PELI1: variants seen among roughly 807,000 people sequenced by gnomAD.
PELI1 encodes the protein E3 ubiquitin-protein ligase pellino homolog 1.
A neutral mutation model predicts 41.3 loss-of-function variants in PELI1; 15 were observed. That is an observed-to-expected ratio of 0.36 (90% CI 0.24 to 0.56). The LOEUF is 0.56. Among genes scored for constraint, PELI1 ranks in the 20% least tolerant of loss-of-function variants. The probability of loss-of-function intolerance (pLI) is 0.82; values close to 1 mark genes in which losing one functional copy is unlikely to be tolerated. For synonymous variants in PELI1, 178 were observed against 180.1 expected (o/e 0.99, Z 0.09); for missense variants, 403 against 525.5 (o/e 0.77, Z 2.28).
At chr2:64,117,720 C>T (rs1422808705) in intron 1 of PELI1, among the ~76,000 whole-genome samples, 1 of 152,120 alleles carries the variant, frequency 6.6e-6, no homozygotes, top group Non-Finnish European at 1.5e-5. Flanking sequence ...AAGGTTTCAT[C>T]TTATGAGAGT....
intron 1 of PELI1, among the ~76,000 whole-genome samples, chr2:64,109,540 C>T (rs981167307): frequency 2.6e-5 from 4 of 151,962 alleles, no homozygotes; most frequent in African/African-American, 9.7e-5. Flanking sequence ...ATTAGCCGGG[C>T]GTGGTGGCAC....
Position 64,126,553 on chromosome 2 carries a change from G to T in PELI1, c.-70+17528C>A, listed in dbSNP as rs190753151. The stretch of plus-strand genomic sequence containing the variant: ...TTACTGAGCATTCACTATAAGGTCA[G>T]AAGTTATGGGAGTATTCAAACTAAT... On this transcript the variant is annotated intron_variant, in intron 1 of 6. Transcript: ENST00000358912. Among the ~76,000 whole-genome samples the T allele has an allele frequency of 5.9e-5, 9 of 152,290 alleles. No individual in the cohort carries two copies. The East Asian group carries it at 1.7e-3, about 29-fold the overall frequency.
intron 1 of PELI1, among the ~76,000 whole-genome samples, chr2:64,112,841 T>A (rs751393580): frequency 6.6e-6 from 1 of 152,200 alleles, no homozygotes; most frequent in East Asian, 1.9e-4. Context: ...CTTTTTTTTT[T>A]ATGTGTTCTC....
At chr2:64,108,149 T>A (rs959803714) in intron 2 of PELI1, 91 bp downstream of exon 2, 11 of 708,542 alleles carry the variant, frequency 1.6e-5, no homozygotes, top group African/African-American at 1.4e-4. Flanking sequence ...AGGTAAGATA[T>A]AAATTCCAAA....
intron 1 of PELI1, among the ~76,000 whole-genome samples, chr2:64,137,121 T>G (rs1193329950): frequency 2.0e-5 from 3 of 152,170 alleles, no homozygotes; most frequent in Non-Finnish European, 2.9e-5. Context: ...GAGAGTAGAT[T>G]TTTACAATCC....
chr2:64,141,944 A>G (rs1293035851), intron 1 of PELI1, among the ~76,000 whole-genome samples: 2 of 152,210 alleles, frequency 1.3e-5, no homozygotes, highest in African/African-American at 2.4e-5. Flanking sequence ...CTGGCTTGAA[A>G]ATACCACAGA....
At chr2:64,098,431 T>C (rs1302988867) in intron 4 of PELI1, among the ~76,000 whole-genome samples, 1 of 152,214 alleles carries the variant, frequency 6.6e-6, no homozygotes, top group African/African-American at 2.4e-5. Context: ...AGCTTATTCG[T>C]CAATCTTTCA....
rs151046909 is a variant in PELI1, at chr2:64,094,895, A to G, written c.1064T>C (p.Val355Ala). 3 of 1,614,128 alleles carry G rather than the reference A, an allele frequency of 1.9e-6. No homozygotes were observed. Among genetic ancestry groups the G allele is most frequent in the Non-Finnish European group, 2.5e-6 (3 of 1,180,054 alleles). Residue 355 changes from valine to alanine, a missense_variant, in exon 7 of 7, where the codon GTG becomes GCG. By Grantham distance (64) the Val-to-Ala change is moderately conservative. Transcript: ENST00000358912. The stretch of plus-strand genomic sequence containing the variant: ...CGCATGGGTTGGAGGGCCGGCGTCC[A>G]CATAAAATCCAGCTTCACATCCAAG... ...LWLGCEAGFYVDAGPPTHAFS... is the reference protein window; with the variant it reads ...LWLGCEAGFYADAGPPTHAFS...
intron 1 of PELI1, among the ~76,000 whole-genome samples, chr2:64,115,120 A>G (rs1184589617): frequency 6.6e-6 from 1 of 152,200 alleles, no homozygotes; most frequent in Admixed American, 6.5e-5. Flanking sequence ...ATGGCAATTA[A>G]TGATTAATGT....
At chr2:64,142,069 C>G (rs1681930425) in intron 1 of PELI1, among the ~76,000 whole-genome samples, 2 of 152,118 alleles carry the variant, frequency 1.3e-5, no homozygotes, top group African/African-American at 4.8e-5. Flanking sequence ...TTTTTAGAAG[C>G]AAATAAATAC....
At chr2:64,142,848 T>C (rs1247635963) in intron 1 of PELI1, among the ~76,000 whole-genome samples, 1 of 152,200 alleles carries the variant, frequency 6.6e-6, no homozygotes, top group Non-Finnish European at 1.5e-5. Flanking sequence ...GACAATGCCA[T>C]TTCTGAAACA....
chr2:64,108,921 C>T (rs1680708746), intron 1 of PELI1, among the ~76,000 whole-genome samples: 2 of 152,208 alleles, frequency 1.3e-5, no homozygotes, highest in South Asian at 4.1e-4. Context: ...ACAGTAACTG[C>T]TCCACTCCAG....
At chr2:64,109,691 C>T (rs892950251) in intron 1 of PELI1, among the ~76,000 whole-genome samples, 4 of 151,716 alleles carry the variant, frequency 2.6e-5, no homozygotes, top group African/African-American at 7.3e-5. Flanking sequence ...AAAACAAAAA[C>T]AGAAACAAAA....
chr2:64,140,911 A>G (rs1025459829), intron 1 of PELI1, among the ~76,000 whole-genome samples: 1 of 151,668 alleles, frequency 6.6e-6, no homozygotes, highest in Non-Finnish European at 1.5e-5. Context: ...GAAATATTCT[A>G]TGGCACAGGT....
intron 1 of PELI1, among the ~76,000 whole-genome samples, chr2:64,119,518 C>T (rs1681134631): frequency 6.6e-6 from 1 of 152,216 alleles, no homozygotes; most frequent in African/African-American, 2.4e-5. Flanking sequence ...AGTTCTTTCA[C>T]TTAAGCACCT....
At chr2:64,100,796 G>A (rs1004121888) in intron 3 of PELI1, among the ~76,000 whole-genome samples, 67 of 151,964 alleles carry the variant, frequency 4.4e-4, no homozygotes, top group African/African-American at 1.5e-3. Flanking sequence ...GTGCAATCTC[G>A]GTTCACTGCA....
intron 1 of PELI1, among the ~76,000 whole-genome samples, chr2:64,111,601 C>A (rs1488834866): frequency 6.6e-6 from 1 of 152,002 alleles, no homozygotes; most frequent in Non-Finnish European, 1.5e-5. Flanking sequence ...GCTATTTCAC[C>A]ATAACTGTGA....
At chr2:64,130,164 A>G (rs568482586) in intron 1 of PELI1, among the ~76,000 whole-genome samples, 120 of 152,252 alleles carry the variant, frequency 7.9e-4, no homozygotes, top group Middle Eastern at 3.4e-3. Context: ...GTTACTCTCT[A>G]TATCACATAT....
intron 1 of PELI1, among the ~76,000 whole-genome samples, chr2:64,139,760 A>G (rs1422404716): frequency 6.6e-6 from 1 of 152,230 alleles, no homozygotes; most frequent in Admixed American, 6.5e-5. Context: ...CATCCATGCC[A>G]AAAGTCCACC....
Sources: gnomAD v4.1 joint callset for allele counts (sites outside exome capture counted in the v4.1 genomes callset) on GRCh38, gnomAD v4.1.1 for gene constraint, MANE v1.5 for transcripts, NCBI Gene and HGNC (gene_info 2026-07-23, HGNC 2026-07-21) for gene names.